The following CNIH3 variants were observed in gnomAD, a reference collection of about 807,000 sequenced individuals.
CNIH3 encodes cornichon family AMPA receptor auxiliary protein 3, also known as protein cornichon homolog 3.
A neutral mutation model predicts 24.1 loss-of-function variants in CNIH3; 14 were observed. That is an observed-to-expected ratio of 0.58 (90% CI 0.38 to 0.91). The LOEUF (loss-of-function observed/expected upper bound fraction) is 0.91, where lower values mean the gene tolerates loss of function less well. CNIH3 is among the 40% of genes least tolerant of loss of function. CNIH3 has a pLI of 0.00. For missense variants in CNIH3, 178 were observed against 196.8 expected (o/e 0.90, Z 0.57); for synonymous variants, 68 against 73.8 (o/e 0.92, Z 0.40).
chr1:224,495,082 G>C (rs991717493), intron 1 of CNIH3, among the ~76,000 whole-genome samples: 6 of 152,114 alleles, frequency 3.9e-5, no homozygotes, highest in African/African-American at 1.4e-4. Context: ...TGCCTTAGAG[G>C]CCTATCAGAA....
At chr1:224,488,853 C>A (rs895352930) in intron 1 of CNIH3, among the ~76,000 whole-genome samples, 9 of 152,126 alleles carry the variant, frequency 5.9e-5, no homozygotes, top group African/African-American at 2.2e-4. Flanking sequence ...TATTTACCTG[C>A]TGACAATTCC....
Position 224,479,401 on chromosome 1 carries a change from G to A in CNIH3, n.204-36340G>A, listed in dbSNP as rs75857494. ...ACTCCTGACCTCAAGTGATCTGCCCGCCTTGGCCTCCCAAAGTGCTGGGAT... is the reference window on the plus strand; with the variant it reads ...ACTCCTGACCTCAAGTGATCTGCCCACCTTGGCCTCCCAAAGTGCTGGGAT... On this transcript the variant is annotated intron_variant and non_coding_transcript_variant, in intron 1 of 5. Transcript: ENST00000471578. Among the ~76,000 whole-genome samples the A allele has an allele frequency of 4.0e-3, 613 of 151,808 alleles. 29 individuals carry two copies. The East Asian group carries it at 0.098, about 24-fold the overall frequency.
intron 1 of CNIH3, among the ~76,000 whole-genome samples, chr1:224,475,183 C>T (rs1375829598): frequency 2.7e-5 from 4 of 149,650 alleles, no homozygotes; most frequent in Admixed American, 6.7e-5. Context: ...GGTGAAACCC[C>T]GTCTTTACTA....
At chr1:224,561,898 C>T (rs189065351) in intron 3 of CNIH3, among the ~76,000 whole-genome samples, 2 of 152,214 alleles carry the variant, frequency 1.3e-5, no homozygotes, top group East Asian at 3.9e-4. Context: ...GGGCTAAGTT[C>T]AGGCCAAAAG....
At chr1:224,501,888 G>A (rs958115811) in intron 1 of CNIH3, among the ~76,000 whole-genome samples, 2 of 150,850 alleles carry the variant, frequency 1.3e-5, no homozygotes, top group African/African-American at 5.0e-5. Flanking sequence ...ACAGAAATTT[G>A]TTTGTGACCA....
chr1:224,477,156 T>G (rs1051012457), intron 1 of CNIH3, among the ~76,000 whole-genome samples: 1 of 152,212 alleles, frequency 6.6e-6, no homozygotes, highest in African/African-American at 2.4e-5. Context: ...CTCACAGTTT[T>G]TTGGCATCTC....
intron 1 of CNIH3, among the ~76,000 whole-genome samples, chr1:224,641,228 G>C (rs1248221971): frequency 1.3e-5 from 2 of 152,178 alleles, no homozygotes; most frequent in Non-Finnish European, 2.9e-5. Context: ...TACAGCAAGA[G>C]GTTTAGCCCC....
downstream of CNIH3, among the ~76,000 whole-genome samples, chr1:224,540,819 T>C (rs540830938): frequency 1.3e-5 from 2 of 152,240 alleles, no homozygotes; most frequent in South Asian, 4.1e-4. Context: ...AAAATAATTA[T>C]ACAATTTCAT....
At chr1:224,576,161 C>T (rs1317784794) in intron 4 of CNIH3, among the ~76,000 whole-genome samples, 2 of 152,174 alleles carry the variant, frequency 1.3e-5, no homozygotes, top group Admixed American at 1.3e-4. Flanking sequence ...CATGAATCTA[C>T]TATTTTTCTA....
intron 1 of CNIH3, among the ~76,000 whole-genome samples, chr1:224,657,106 T>C (rs888568981): frequency 6.6e-6 from 1 of 152,194 alleles, no homozygotes; most frequent in Non-Finnish European, 1.5e-5. Context: ...GCCAAGCTTT[T>C]ATTTTGTCCC....
upstream of CNIH3, chr1:224,513,602 T>C (rs1049474671): frequency 2.0e-5 from 3 of 152,190 alleles, no homozygotes; most frequent in Non-Finnish European, 4.4e-5. Flanking sequence ...CGGGGAACCA[T>C]TTGGCTGAGG....
intron 1 of CNIH3, among the ~76,000 whole-genome samples, chr1:224,621,684 A>G (rs919201542): frequency 1.3e-5 from 2 of 152,098 alleles, no homozygotes; most frequent in African/African-American, 2.4e-5. Flanking sequence ...CTACTTTACC[A>G]TTGTTTCTCC....
intron 1 of CNIH3, among the ~76,000 whole-genome samples, chr1:224,659,956 A>G (rs1439565615): frequency 6.6e-6 from 1 of 152,234 alleles, no homozygotes; most frequent in South Asian, 2.1e-4. Flanking sequence ...ACCTCTTGTG[A>G]TTTTATTAAG....
intron 3 of CNIH3, among the ~76,000 whole-genome samples, chr1:224,713,244 T>C (rs968034976): frequency 1.1e-4 from 16 of 152,238 alleles, no homozygotes; most frequent in Non-Finnish European, 1.3e-4. Context: ...GAAAGTGTCT[T>C]TGTTTTACTG....
rs952543428 is a variant in CNIH3, at chr1:224,454,394, CA to C, written n.203+19533del. Reference sequence around the variant, plus strand: ...ATTGTGTTGAACATAATTGAAATGTCATAAACCATCCAGAGAGCAGGAGAAC... The same window carrying C: ...ATTGTGTTGAACATAATTGAAATGTCTAAACCATCCAGAGAGCAGGAGAAC... On this transcript the variant is annotated intron_variant and non_coding_transcript_variant, in intron 1 of 5. Coordinates refer to the CNIH3 transcript ENST00000471578. The C allele has an allele frequency of 5.3e-5, 44 of 828,430 alleles. No individual in the cohort carries two copies. In the African/African-American group the frequency reaches 8.2e-4, roughly 15 times the overall value. The allele number at this position is 828,430 out of a possible 1,614,324, so 51.3% of individuals were successfully genotyped here.
intron 1 of CNIH3, among the ~76,000 whole-genome samples, chr1:224,484,829 G>A (rs1160104696): frequency 6.6e-6 from 1 of 152,112 alleles, no homozygotes; most frequent in African/African-American, 2.4e-5. Context: ...CTAGAAGTTT[G>A]ATAAGAGTCT....
upstream of CNIH3, chr1:224,615,346 CTG>C (rs1329797995): frequency 6.6e-6 from 1 of 152,096 alleles, no homozygotes. Context: ...GAAGTTCTCT[CTG>C]GAATGACTGG....
chr1:224,460,514 C>A (rs1675866288), intron 1 of CNIH3, among the ~76,000 whole-genome samples: 1 of 152,114 alleles, frequency 6.6e-6, no homozygotes, highest in Non-Finnish European at 1.5e-5. Flanking sequence ...TTCTTTCACG[C>A]AGCATAATTA....
intron 1 of CNIH3, among the ~76,000 whole-genome samples, chr1:224,488,571 C>T (rs1217308043): frequency 6.6e-6 from 1 of 152,096 alleles, no homozygotes; most frequent in Non-Finnish European, 1.5e-5. Flanking sequence ...AGCAATGCTA[C>T]TGCCTCAGCC....
Sources: allele counts gnomAD v4.1 joint callset (sites outside exome capture counted in the v4.1 genomes callset), GRCh38; gene constraint gnomAD v4.1.1; transcripts MANE v1.5; gene names NCBI Gene and HGNC (gene_info 2026-07-23, HGNC 2026-07-21).